The following KCNT1 variants were observed in gnomAD, a reference collection of about 807,000 sequenced individuals.
The protein encoded by KCNT1 is potassium sodium-activated channel subfamily T member 1.
A neutral mutation model predicts 147.8 loss-of-function variants in KCNT1; 78 were observed. The ratio of observed to expected loss-of-function variants is 0.53; its 90% CI spans 0.44 to 0.64. The LOEUF (loss-of-function observed/expected upper bound fraction) is 0.64. Among genes scored for constraint, KCNT1 ranks in the 30% least tolerant of loss-of-function variants. KCNT1 has a pLI of 0.00. For synonymous variants in KCNT1, 867 were observed against 748.8 expected (o/e 1.16, Z -2.58); for missense variants, 1,419 against 1,750.3 (o/e 0.81, Z 3.38).
chr9:135,750,040 G>GT, intron 2 of KCNT1, 58 bp from the exon 3 acceptor site: 1 of 1,418,512 alleles, frequency 7.0e-7, no homozygotes, highest in South Asian at 1.2e-5. Context: ...CTCCCGGCGT[G>GT]TCCCCAGCCT....
rs916861430 is a variant in KCNT1, at chr9:135,752,098, G to A, written c.434+1057G>A. The A allele has an allele frequency of 3.1e-5, 9 of 290,292 alleles. No homozygotes were observed. Among genetic ancestry groups the A allele is most frequent in the South Asian group, 2.5e-4 (8 of 32,474 alleles). 18.0% of individuals were successfully genotyped at this position (290,292 alleles called of 1,614,324 possible). A position where few individuals can be genotyped will look rare whatever the true frequency, so the allele number is the denominator to read the frequency against. ...CGTTTATGCGTAAGAGTGCTCAGGC[G>A]CTGAGGGGCTCTGCAGCCACGTGTG... is the stretch of plus-strand genomic sequence containing the variant. On this transcript the variant is annotated intron_variant, in intron 4 of 30. Transcript: ENST00000371757. The surrounding 1 kb of genome is among the most constrained non-coding windows in gnomAD (Gnocchi z 5.1).
At chr9:135,769,849 G>A (rs1832622294) in intron 15 of KCNT1, 98 bp from the exon 16 acceptor site, 2 of 827,416 alleles carry the variant, frequency 2.4e-6, no homozygotes, top group Non-Finnish European at 2.0e-6. Flanking sequence ...CCAGGCAAGG[G>A]TGCATCTGCA....
At chr9:135,741,093 T>G (rs1244530679) in intron 2 of KCNT1, among the ~76,000 whole-genome samples, 2 of 152,166 alleles carry the variant, frequency 1.3e-5, no homozygotes, top group Non-Finnish European at 2.9e-5. Flanking sequence ...ATGTGCTTGG[T>G]GGCCCCTTCC....
At chr9:135,778,313 G>C (rs944068504) in intron 21 of KCNT1, 111 bp from the exon 22 acceptor site, 2 of 949,600 alleles carry the variant, frequency 2.1e-6, no homozygotes, top group Non-Finnish European at 3.2e-6. Flanking sequence ...CTGCGGTTCT[G>C]GGGAACCCCT....
chr9:135,791,420 TG>T, intron 29 of KCNT1: 21 of 238,382 alleles, frequency 8.8e-5, no homozygotes, highest in South Asian at 2.5e-4. Flanking sequence ...CATGCATGCA[TG>T]TGAGGTGAAC....
chr9:135,723,911 C>A lies in KCNT1; in HGVS notation c.254+9191C>A, dbSNP rs145351194. On this transcript the variant is annotated intron_variant, in intron 2 of 30. Transcript: ENST00000371757. ...TGAGCGCCATGGCTCAGCGCAGCCC[C>A]GTCCCAGACCAGTGTCCGTTCCCCT... is the stretch of plus-strand genomic sequence containing the variant. Among the ~76,000 whole-genome samples, 13 of 152,330 alleles carry A rather than the reference C, an allele frequency of 8.5e-5. No individual in the cohort carries two copies. In the East Asian group the frequency reaches 2.5e-3, roughly 29 times the overall value.
At position 135,757,388 on chromosome 9, in the gene KCNT1, C is replaced by T. The variant is rs779833209; in HGVS notation, c.759+7C>T. ...CGCGCTGGAAAACATGATTGTAAGCCGGGGCGGGGGGTGCAGCTGGGACTT... is the reference window on the plus strand; with the variant it reads ...CGCGCTGGAAAACATGATTGTAAGCTGGGGCGGGGGGTGCAGCTGGGACTT... On this transcript the variant is annotated splice_region_variant and intron_variant, in intron 9 of 30. Transcript: ENST00000371757. 2.3e-5 allele frequency: 37 copies of T among 1,605,478 alleles called. No homozygotes were observed. Among genetic ancestry groups the T allele is most frequent in the South Asian group, 5.5e-5 (5 of 91,042 alleles).
chr9:135,713,101 C>T (rs487393), intron 1 of KCNT1, among the ~76,000 whole-genome samples: 1 of 152,150 alleles, frequency 6.6e-6, no homozygotes, highest in African/African-American at 2.4e-5. Flanking sequence ...GGGGTGGGGA[C>T]GGGAGGAGGC....
chr9:135,771,161 C>G (rs1832733148), intron 18 of KCNT1, 66 bp downstream of exon 18: 4 of 1,434,996 alleles, frequency 2.8e-6, no homozygotes, highest in South Asian at 1.3e-5. Flanking sequence ...AGGCGGGACA[C>G]CGGCAGGTGA....
intron 11 of KCNT1, among the ~76,000 whole-genome samples, chr9:135,760,970 C>A (rs2131456887): frequency 6.6e-6 from 1 of 152,278 alleles, no homozygotes; most frequent in African/African-American, 2.4e-5. Context: ...TTACTTCCTG[C>A]TCTGTGACCG....
At chr9:135,708,264 A>G (rs935762281) in intron 1 of KCNT1, among the ~76,000 whole-genome samples, 44 of 152,226 alleles carry the variant, frequency 2.9e-4, no homozygotes, top group African/African-American at 1.0e-3. Context: ...ACATATGCCC[A>G]TGTACATGTA....
Position 135,757,140 on chromosome 9 carries a change from C to T in KCNT1, c.601-16C>T. ...ACCCTCCATCGCCCCCGCTGATACC[C>T]CCCGTTTGGCCCCAGGGCAACATCT... On this transcript the variant is annotated splice_polypyrimidine_tract_variant and intron_variant, in intron 7 of 30. Transcript: ENST00000371757. 2 of 1,606,118 alleles carry T rather than the reference C, an allele frequency of 1.2e-6. No homozygotes were observed. The highest frequency in any genetic ancestry group is 2.2e-5 in the South Asian group (2 of 90,866).
intron 6 of KCNT1, among the ~76,000 whole-genome samples, chr9:135,756,262 C>A (rs1052796775): frequency 9.9e-5 from 15 of 152,122 alleles, no homozygotes; most frequent in African/African-American, 3.6e-4. Flanking sequence ...CCCAGGGATC[C>A]CTGAGGACTT....
chr9:135,730,737 G>A lies in KCNT1; in HGVS notation c.254+16017G>A, dbSNP rs2131359877. Among the ~76,000 whole-genome samples the A allele has an allele frequency of 6.6e-6, 1 of 152,278 alleles. No individual in the cohort carries two copies. The highest frequency in any genetic ancestry group is 2.1e-4 in the South Asian group (1 of 4,820). ...ACGGTGGCTCACACCTGAAATCTCA[G>A]CACTTTGGGAGGCCAAGGCAGGCAG... On this transcript the variant is annotated intron_variant, in intron 2 of 30. Transcript: ENST00000371757. This position sits in a 1 kb window ranked among gnomAD's most constrained non-coding sequence, Gnocchi z 4.7.
At chr9:135,774,293 T>C (rs534801090) in intron 19 of KCNT1, among the ~76,000 whole-genome samples, 1 of 146,774 alleles carries the variant, frequency 6.8e-6, no homozygotes, top group African/African-American at 2.5e-5. Context: ...GTGTTGTGTG[T>C]GGTGTGTGTG....
rs548847746 is a variant in KCNT1 at position 135,726,354 on chromosome 9, G to A, written c.254+11634G>A. On this transcript the variant is annotated intron_variant, in intron 2 of 30. Transcript: ENST00000371757. ...CCCTTCCAGGGACCTGGATGAGGCC[G>A]TACCCCCAGGGACAGAAGTGCCCCT... 7.4e-4 allele frequency among the ~76,000 whole-genome samples: 113 copies of A among 152,150 alleles called. 1 individual carries two copies. The highest frequency in any genetic ancestry group is 3.4e-3 in the Middle Eastern group (1 of 294).
intron 28 of KCNT1, chr9:135,785,549 T>C (rs896683243): frequency 3.0e-6 from 2 of 666,160 alleles, no homozygotes; most frequent in African/African-American, 3.5e-5. Flanking sequence ...AGCTGAGGCC[T>C]GGGGGGAGTA....
chr9:135,785,570 T>G (rs1285327185), intron 28 of KCNT1: 2 of 634,970 alleles, frequency 3.1e-6, no homozygotes, highest in African/African-American at 3.6e-5. Flanking sequence ...GCCTGTGAGT[T>G]TGGACACCAG....
chr9:135,774,295 G>T (rs771417640), intron 19 of KCNT1, among the ~76,000 whole-genome samples: 5 of 146,096 alleles, frequency 3.4e-5, no homozygotes, highest in East Asian at 2.1e-4. Flanking sequence ...GTTGTGTGTG[G>T]TGTGTGTGTC....
Sources: gnomAD v4.1 joint callset for allele counts (sites outside exome capture counted in the v4.1 genomes callset) on GRCh38, gnomAD v4.1.1 for gene constraint, Gnocchi (gnomAD v3.1) non-coding constraint, MANE v1.5 for transcripts, NCBI Gene and HGNC (gene_info 2026-07-23, HGNC 2026-07-21) for gene names.